The following DNAH9 variants were observed in gnomAD, a reference collection of about 807,000 sequenced individuals.
The protein encoded by DNAH9 is DNAH9 variant protein.
DNAH9 carries 345 observed loss-of-function variants against 471.6 expected under a neutral mutation model. The ratio of observed to expected loss-of-function variants is 0.73; its 90% CI spans 0.67 to 0.80. The LOEUF (loss-of-function observed/expected upper bound fraction) is 0.80. Among genes scored for constraint, DNAH9 ranks in the 30% least tolerant of loss-of-function variants. The pLI, the probability that DNAH9 is intolerant of heterozygous loss-of-function variation, is 0.00. For synonymous variants in DNAH9, 2,093 were observed against 2,123.6 expected (o/e 0.99, Z 0.40); for missense variants, 5,407 against 5,609.2 (o/e 0.96, Z 1.15).
At chr17:11,695,018 A>T (rs1447672317) in intron 22 of DNAH9, among the ~76,000 whole-genome samples, 1 of 150,320 alleles carries the variant, frequency 6.7e-6, no homozygotes, top group Non-Finnish European at 1.5e-5. Context: ...CCTCCCGCGT[A>T]GCTGGGACCA....
chr17:11,947,770 C>CTTTTTTTTTTTTTTTTTTTTTT (rs1567569867), intron 67 of DNAH9, among the ~76,000 whole-genome samples: 1 of 98,554 alleles, frequency 1.0e-5, no homozygotes, highest in African/African-American at 3.7e-5. Flanking sequence ...GGGCTGGGAA[C>CTTTTTTTTTTTTTTTTTTTTTT]TATTTTTTTT....
At chr17:11,750,577 A>G (rs1489042605) in intron 32 of DNAH9, among the ~76,000 whole-genome samples, 1 of 152,204 alleles carries the variant, frequency 6.6e-6, no homozygotes, top group Non-Finnish European at 1.5e-5. Flanking sequence ...TTTACAGGTC[A>G]CATTCTCTGA....
rs145498039 is a variant in DNAH9 at position 11,717,761 on chromosome 17, C to T, written c.5553-1573C>T. Among the ~76,000 whole-genome samples the T allele has an allele frequency of 3.6e-3, 546 of 152,226 alleles. 6 individuals carry two copies. The highest frequency in any genetic ancestry group is 0.013 in the African/African-American group (532 of 41,524). On this transcript the variant is annotated intron_variant, in intron 26 of 68. Transcript: ENST00000262442. The stretch of plus-strand genomic sequence containing the variant: ...ACTATCATCCAACTGTAGAGCATTT[C>T]CTTCACCCTTTTTGCAATAATTTCC...
intron 32 of DNAH9, among the ~76,000 whole-genome samples, chr17:11,752,494 G>C (rs551239738): frequency 6.6e-6 from 1 of 151,938 alleles, no homozygotes; most frequent in Non-Finnish European, 1.5e-5. Flanking sequence ...GTGAAACCGC[G>C]TCTCTACTAA....
intron 60 of DNAH9, among the ~76,000 whole-genome samples, chr17:11,904,630 CAA>C (rs202059757): frequency 9.0e-6 from 1 of 111,488 alleles, no homozygotes; most frequent in Non-Finnish European, 1.6e-5. Context: ...GACTCCATCT[CAA>C]AAAAAAAAAA....
chr17:11,720,664 G>A (rs188836077), intron 27 of DNAH9, among the ~76,000 whole-genome samples: 3 of 152,230 alleles, frequency 2.0e-5, no homozygotes, highest in Middle Eastern at 3.4e-3. Context: ...CCGTTACCAC[G>A]TATAGCACTC....
chr17:11,735,891 G>A (rs1211898305), intron 28 of DNAH9, among the ~76,000 whole-genome samples: 1 of 152,208 alleles, frequency 6.6e-6, no homozygotes, highest in African/African-American at 2.4e-5. Flanking sequence ...TGGTACAAGA[G>A]CCTTTGGGGG....
intron 33 of DNAH9, among the ~76,000 whole-genome samples, chr17:11,755,570 G>T (rs1643881569): frequency 6.6e-6 from 1 of 152,102 alleles, no homozygotes; most frequent in Admixed American, 6.5e-5. Context: ...GTATTAATAT[G>T]AAATGTAAGT....
Position 11,694,306 on chromosome 17 carries a change from G to T in DNAH9, c.4746-15G>T, listed in dbSNP as rs2074389738. On this transcript the variant is annotated splice_polypyrimidine_tract_variant and intron_variant, in intron 21 of 68. Transcript: ENST00000262442. ...GACATTCTTAACTGGGAAATTCTAT[G>T]TTCTGTGCCCTCAGATTGTGCCTGT... 2 of 1,613,626 alleles carry T rather than the reference G, an allele frequency of 1.2e-6. No individual in the cohort carries two copies. The highest frequency in any genetic ancestry group is 2.2e-5 in the South Asian group (2 of 91,046).
rs574983168 is a variant in DNAH9 at position 11,728,609 on chromosome 17, CTGAGA to C, written c.5814+693_5814+697del. Among the ~76,000 whole-genome samples, 8 of 151,068 alleles carry C rather than the reference CTGAGA, an allele frequency of 5.3e-5. No homozygotes were observed. The South Asian group carries it at 1.7e-3, about 32-fold the overall frequency. On this transcript the variant is annotated intron_variant, in intron 28 of 68. Transcript: ENST00000262442. Reference sequence around the variant, plus strand: ...GTTCTAGAGGTGACTTAAATTCTGACTGAGATGAGACTTCCAAATGCATTACATTG... The same window carrying C: ...GTTCTAGAGGTGACTTAAATTCTGACTGAGACTTCCAAATGCATTACATTG...
intron 57 of DNAH9, among the ~76,000 whole-genome samples, chr17:11,889,908 G>A (rs550638452): frequency 6.6e-6 from 1 of 152,202 alleles, no homozygotes; most frequent in African/African-American, 2.4e-5. Flanking sequence ...GGAGGATGCT[G>A]TGGAAGTGGG....
chr17:11,758,469 A>G (rs1033024888), intron 35 of DNAH9, among the ~76,000 whole-genome samples: 1 of 152,172 alleles, frequency 6.6e-6, no homozygotes, highest in African/African-American at 2.4e-5. Flanking sequence ...TGGTGCTGTG[A>G]AGGCAATGTG....
At chr17:11,699,035 G>A (rs1381728102) in intron 22 of DNAH9, among the ~76,000 whole-genome samples, 2 of 152,106 alleles carry the variant, frequency 1.3e-5, no homozygotes. Flanking sequence ...CGGATCACGA[G>A]ATCAGGAGTT....
chr17:11,599,277 A>G (rs1461002714), intron 1 of DNAH9, among the ~76,000 whole-genome samples: 1 of 152,026 alleles, frequency 6.6e-6, no homozygotes, highest in Non-Finnish European at 1.5e-5. Context: ...GGTTCTGACT[A>G]CTTTCAAAAT....
intron 61 of DNAH9, among the ~76,000 whole-genome samples, chr17:11,909,442 C>T (rs1169287565): frequency 1.3e-5 from 2 of 152,070 alleles, no homozygotes; most frequent in African/African-American, 2.4e-5. Flanking sequence ...TCAAATTAGC[C>T]GGTCTTGAAC....
At chr17:11,955,184 T>C (rs1381253166) in intron 67 of DNAH9, among the ~76,000 whole-genome samples, 1 of 152,174 alleles carries the variant, frequency 6.6e-6, no homozygotes, top group South Asian at 2.1e-4. Flanking sequence ...ACAACCTGTT[T>C]TGGCAAGTAA....
chr17:11,840,684 G>C (rs976986914), intron 49 of DNAH9, among the ~76,000 whole-genome samples: 2 of 152,158 alleles, frequency 1.3e-5, no homozygotes, highest in Non-Finnish European at 2.9e-5. Context: ...GGATTATCCA[G>C]GTGGGCCCTA....
chr17:11,771,348 C>T (rs1321908616), intron 38 of DNAH9, among the ~76,000 whole-genome samples: 1 of 152,090 alleles, frequency 6.6e-6, no homozygotes, highest in Non-Finnish European at 1.5e-5. Flanking sequence ...AGGCTGGTCT[C>T]GAACTCCTGA....
intron 61 of DNAH9, among the ~76,000 whole-genome samples, chr17:11,923,596 C>G (rs747167849): frequency 6.6e-6 from 1 of 152,206 alleles, no homozygotes; most frequent in African/African-American, 2.4e-5. Flanking sequence ...CAGGCATGAG[C>G]CACTGCGCCC....
Sources: gnomAD v4.1 joint callset for allele counts (sites outside exome capture counted in the v4.1 genomes callset) on GRCh38, gnomAD v4.1.1 for gene constraint, MANE v1.5 for transcripts, NCBI Gene and HGNC (gene_info 2026-07-23, HGNC 2026-07-21) for gene names.